Variants in KLHL29 observed in about 807,000 individuals in gnomAD.
KLHL29 encodes kelch-like protein 29.
In KLHL29, 21 loss-of-function variants were observed where a neutral mutation model predicts 80.4. The observed-to-expected ratio is 0.26, with a 90% confidence interval of 0.19 to 0.38. The LOEUF (loss-of-function observed/expected upper bound fraction) is 0.38, where lower values mean the gene tolerates loss of function less well. KLHL29 is among the 10% of genes least tolerant of loss of function. The pLI is 1.00. For synonymous variants in KLHL29, 511 were observed against 526.8 expected, an observed-to-expected ratio of 0.97 and a Z score of 0.41; for missense variants, 867 against 1,223.9, an observed-to-expected ratio of 0.71 and a Z score of 4.35.
At chr2:23,527,171 A>G (rs760216515) in intron 2 of KLHL29, among the ~76,000 whole-genome samples, 34 of 152,160 alleles carry the variant, frequency 2.2e-4, no homozygotes, top group Non-Finnish European at 3.8e-4. Context: ...GACACGGCTC[A>G]CACGGAGGAC....
rs145183444 is a variant in KLHL29 at position 23,627,226 on chromosome 2, C to A, written c.286-11913C>A. On this transcript the variant is annotated intron_variant, in intron 3 of 13. Transcript: ENST00000486442. ...CAAGTGTTTCCTGAAGGCTGAAGAG[C>A]TGAGCTGCTGCTAAATACCAGCTCC... Among the ~76,000 whole-genome samples, 3 of 152,346 alleles carry A rather than the reference C, an allele frequency of 2.0e-5. No individual in the cohort carries two copies. The East Asian group carries it at 5.8e-4, about 29-fold the overall frequency.
intron 2 of KLHL29, among the ~76,000 whole-genome samples, chr2:23,489,277 T>C (rs1244662626): frequency 6.6e-6 from 1 of 152,106 alleles, no homozygotes; most frequent in Admixed American, 6.5e-5. Flanking sequence ...GCGAGCCTGG[T>C]TGGTCCTTCT....
At chr2:23,694,156 C>G (rs1671797061) in intron 8 of KLHL29, among the ~76,000 whole-genome samples, 1 of 152,228 alleles carries the variant, frequency 6.6e-6, no homozygotes, top group Non-Finnish European at 1.5e-5. Context: ...TGCTCAGTGG[C>G]CTTCTGGGCC....
chr2:23,478,875 G>C (rs1014128396), intron 2 of KLHL29, among the ~76,000 whole-genome samples: 3 of 152,216 alleles, frequency 2.0e-5, no homozygotes, highest in East Asian at 3.9e-4. Context: ...ACGGCAGTTA[G>C]AGAACACCAT....
In KLHL29 at chr2:23,533,680, A is replaced by G. The variant is rs561191968; in HGVS notation, c.-45-28472A>G. ...ATTTGTAACAGTGTGAGGACCCCCC[A>G]CTCTCCCGGGACTAACAGTGTAAAT... On this transcript the variant is annotated intron_variant, in intron 2 of 13. Transcript: ENST00000486442. 7.2e-5 allele frequency among the ~76,000 whole-genome samples: 11 copies of G among 152,032 alleles called. No homozygotes were observed. The South Asian group carries it at 2.3e-3, about 32-fold the overall frequency.
At chr2:23,427,179 G>A (rs910408286) in intron 1 of KLHL29, among the ~76,000 whole-genome samples, 1 of 152,156 alleles carries the variant, frequency 6.6e-6, no homozygotes, top group Non-Finnish European at 1.5e-5. Flanking sequence ...TTGCACAGCC[G>A]AAAACTGTGC....
chr2:23,535,415 TTAATG>T (rs1666631288), intron 2 of KLHL29, among the ~76,000 whole-genome samples: 1 of 152,244 alleles, frequency 6.6e-6, no homozygotes, highest in African/African-American at 2.4e-5. Context: ...AAGATTAAAA[TTAATG>T]TAAAATCTAA....
At chr2:23,582,986 G>T (rs1668024561) in intron 3 of KLHL29, among the ~76,000 whole-genome samples, 1 of 152,188 alleles carries the variant, frequency 6.6e-6, no homozygotes, top group Admixed American at 6.5e-5. Context: ...CAAGAGAACA[G>T]AGAAGGAGAT....
chr2:23,629,544 T>G (rs969254738), intron 3 of KLHL29, among the ~76,000 whole-genome samples: 1 of 152,170 alleles, frequency 6.6e-6, no homozygotes, highest in African/African-American at 2.4e-5. Context: ...TCATTTCCTT[T>G]GTCCACAAGG....
chr2:23,417,403 T>G (rs1462375535), intron 1 of KLHL29, among the ~76,000 whole-genome samples: 1 of 152,192 alleles, frequency 6.6e-6, no homozygotes, highest in Non-Finnish European at 1.5e-5. Context: ...TGCAAGCGTT[T>G]ACACTCAGGT....
intron 3 of KLHL29, among the ~76,000 whole-genome samples, chr2:23,606,004 A>G (rs1260402164): frequency 1.3e-5 from 2 of 152,036 alleles, no homozygotes; most frequent in African/African-American, 4.8e-5. Context: ...TCCTGACCTC[A>G]GTGATCTGCC....
chr2:23,579,967 G>A (rs1667939195), intron 3 of KLHL29, among the ~76,000 whole-genome samples: 1 of 152,192 alleles, frequency 6.6e-6, no homozygotes, highest in Admixed American at 6.5e-5. Flanking sequence ...AAGACAGGCA[G>A]CCTTGGGTTC....
intron 1 of KLHL29, among the ~76,000 whole-genome samples, chr2:23,454,083 T>A (rs1227901938): frequency 3.3e-5 from 5 of 152,348 alleles, no homozygotes; most frequent in East Asian, 3.9e-4. Flanking sequence ...TTGTGTTGTA[T>A]TTGTGTCAGC....
At chr2:23,618,355 G>C (rs532721638) in intron 3 of KLHL29, among the ~76,000 whole-genome samples, 1 of 152,252 alleles carries the variant, frequency 6.6e-6, no homozygotes, top group East Asian at 1.9e-4. Context: ...GTCCGTGAGG[G>C]TGTTTCTGGA....
chr2:23,466,241 G>A (rs1235797573), intron 1 of KLHL29, among the ~76,000 whole-genome samples: 1 of 152,166 alleles, frequency 6.6e-6, no homozygotes, highest in African/African-American at 2.4e-5. Context: ...TTGCCATGCA[G>A]GCTCGTGACA....
At chr2:23,455,311 G>A (rs10179233) in intron 1 of KLHL29, among the ~76,000 whole-genome samples, 4 of 152,136 alleles carry the variant, frequency 2.6e-5, no homozygotes, top group African/African-American at 4.8e-5. Context: ...TTATGATTCA[G>A]AGTTACACCT....
chr2:23,635,769 C>T (rs1468222342), intron 3 of KLHL29, among the ~76,000 whole-genome samples: 4 of 152,208 alleles, frequency 2.6e-5, no homozygotes, highest in South Asian at 4.1e-4. Flanking sequence ...CTCTCTCTGC[C>T]AAGTGCCATC....
chr2:23,421,737 T>TATGTGTGTGTGTTC (rs1202285943), intron 1 of KLHL29, among the ~76,000 whole-genome samples: 3 of 143,080 alleles, frequency 2.1e-5, no homozygotes, highest in African/African-American at 9.0e-5. Flanking sequence ...GTGTTGTGTG[T>TATGTGTGTGTGTTC]ATGTGTGTGT....
chr2:23,571,266 G>A (rs1405977855), intron 3 of KLHL29, among the ~76,000 whole-genome samples: 1 of 152,256 alleles, frequency 6.6e-6, no homozygotes, highest in African/African-American at 2.4e-5. Flanking sequence ...ATGGAGGTAG[G>A]AATGGGGGCG....
Sources: gnomAD v4.1 joint callset for allele counts (sites outside exome capture counted in the v4.1 genomes callset) on GRCh38, gnomAD v4.1.1 for gene constraint, MANE v1.5 for transcripts, NCBI Gene and HGNC (gene_info 2026-07-23, HGNC 2026-07-21) for gene names.